The following ABR variants were observed in gnomAD, a reference collection of about 807,000 sequenced individuals.
ABR encodes ABR activator of RhoGEF and GTPase.
A neutral mutation model predicts 107.2 loss-of-function variants in ABR; 35 were observed. The observed-to-expected ratio is 0.33, with a 90% confidence interval of 0.25 to 0.43. The LOEUF (loss-of-function observed/expected upper bound fraction) is 0.43, where lower values mean the gene tolerates loss of function less well. ABR is among the 20% of genes least tolerant of loss of function. ABR has a pLI of 1.00. For missense variants in ABR, 815 were observed against 1,115.2 expected, an observed-to-expected ratio of 0.73 and a Z score of 3.83; for synonymous variants, 498 against 462.0, an observed-to-expected ratio of 1.08 and a Z score of -1.00.
intron 5 of ABR, 91 bp downstream of exon 5, chr17:1,083,429 C>T (rs907218586): frequency 1.3e-5 from 11 of 861,006 alleles, no homozygotes; most frequent in Non-Finnish European, 1.3e-5. Context: ...ACCACTTCAC[C>T]GACTGGCAAG....
In ABR at chr17:1,079,587, G is replaced by A. The variant is rs568803292; in HGVS notation, c.640-197C>T. ...GCGGATCACCTGAGGTCGGAAGTTCGAGACCAGCCTGGTCAACACGGTGAA... is the reference window on the plus strand; with the variant it reads ...GCGGATCACCTGAGGTCGGAAGTTCAAGACCAGCCTGGTCAACACGGTGAA... On this transcript the variant is annotated intron_variant, in intron 5 of 22. Coordinates refer to ENST00000302538, the MANE Select transcript of ABR (RefSeq NM_021962.5). Among the ~76,000 whole-genome samples, 16 of 152,082 alleles carry A rather than the reference G, an allele frequency of 1.1e-4. No individual in the cohort carries two copies. In the South Asian group the frequency reaches 3.3e-3, roughly 32 times the overall value.
intron 16 of ABR, among the ~76,000 whole-genome samples, chr17:1,024,390 G>A (rs554300057): frequency 6.6e-6 from 1 of 152,376 alleles, no homozygotes; most frequent in African/African-American, 2.4e-5. Context: ...GCGGGTGAGA[G>A]CCTGCGCTGA....
Position 1,009,393 on chromosome 17 carries a change from C to G in ABR, c.2342+286G>C, listed in dbSNP as rs143068718. On this transcript the variant is annotated intron_variant, in intron 21 of 22. Coordinates refer to ENST00000302538, the MANE Select transcript of ABR (RefSeq NM_021962.5). ...AGTCCTGGGCTCTCACCCTGCCATT[C>G]TGAGCATTCTATGGTCAATATTTGA... Among the ~76,000 whole-genome samples the G allele has an allele frequency of 1.0e-2, 1,521 of 152,246 alleles. 16 individuals are homozygous for G. The highest frequency in any genetic ancestry group is 0.028 in the African/African-American group (1,145 of 41,518).
At chr17:1,218,878 T>C (rs2043061658) in intron 1 of ABR, among the ~76,000 whole-genome samples, 1 of 152,164 alleles carries the variant, frequency 6.6e-6, no homozygotes, top group African/African-American at 2.4e-5. Flanking sequence ...ACATTCCAAA[T>C]GTGCAAAATC....
chr17:1,065,785 G>A (rs929449781), intron 10 of ABR, among the ~76,000 whole-genome samples: 2 of 133,038 alleles, frequency 1.5e-5, no homozygotes, highest in Non-Finnish European at 3.1e-5. Context: ...TCACTCTGTT[G>A]CTCAGGCTGG....
At chr17:1,009,548 G>A in intron 21 of ABR, 131 bp downstream of exon 21, 1 of 715,802 alleles carries the variant, frequency 1.4e-6, no homozygotes, top group Non-Finnish European at 2.5e-6. Context: ...AGGGACTGAG[G>A]AGGTGGGGTT....
chr17:1,017,310 C>T (rs992454422), intron 16 of ABR, among the ~76,000 whole-genome samples: 1 of 152,022 alleles, frequency 6.6e-6, no homozygotes, highest in Admixed American at 6.6e-5. Context: ...GGCTGTCCCT[C>T]GTAGTTCCTT....
intron 1 of ABR, chr17:1,126,244 C>G (rs1484563839): frequency 6.6e-6 from 1 of 152,544 alleles, no homozygotes; most frequent in Non-Finnish European, 1.5e-5. Context: ...CTCGGAAAGG[C>G]CCCTGCGTCC....
rs557304922 is a variant in ABR at position 1,159,613 on chromosome 17, G to A, written c.61+20054C>T. Among the ~76,000 whole-genome samples, 117 of 119,586 alleles carry A rather than the reference G, an allele frequency of 9.8e-4. 7 individuals carry two copies. The highest frequency in any genetic ancestry group is 3.7e-3 in the South Asian group (14 of 3,832). 78.5% of individuals were successfully genotyped at this position (119,586 alleles called of 152,430 possible). ...CGGTACTCACACACATGAGAAGTAA[G>A]AATGCGGTACTCACGCACAAGGGAA... On this transcript the variant is annotated intron_variant, in intron 1 of 22. Coordinates refer to ENST00000302538, the MANE Select transcript of ABR (RefSeq NM_021962.5).
rs2040978605 is a variant in ABR at position 1,154,832 on chromosome 17, T to A, written c.61+24835A>T. 1 of 152,328 alleles carries A rather than the reference T, an allele frequency of 6.6e-6. No individual in the cohort carries two copies. Among genetic ancestry groups the A allele is most frequent in the Non-Finnish European group, 1.5e-5 (1 of 68,214 alleles). The allele number at this position is 152,328 out of a possible 1,614,324, so 9.4% of individuals were successfully genotyped here. ...AATGCTTCCCTCCTGCAGGCCCCGC[T>A]CCCTTCCCCATTCCAGCAGCCACTT... On this transcript the variant is annotated intron_variant, in intron 1 of 22. Coordinates refer to ENST00000302538, the MANE Select transcript of ABR (RefSeq NM_021962.5). This position sits in a 1 kb window ranked among gnomAD's most constrained non-coding sequence, Gnocchi z 4.0.
chr17:1,125,942 C>T (rs1028829004), intron 1 of ABR, among the ~76,000 whole-genome samples: 1 of 152,076 alleles, frequency 6.6e-6, no homozygotes, highest in East Asian at 1.9e-4. Flanking sequence ...AGGGCGTGGG[C>T]GAGGAGGCTG....
rs1221672991 is a variant in ABR, at chr17:1,013,117, A to G, written c.1839T>C (p.Ile613=). The G allele has an allele frequency of 6.2e-7, 1 of 1,613,714 alleles. No homozygotes were observed. The highest frequency in any genetic ancestry group is 8.5e-7 in the Non-Finnish European group (1 of 1,179,690). ...VETKNWHTDV[I]EMNGIKVEFS... ...ATCCCCGGCTCACCCCGTTCATCTC[A>G]ATCACGTCCGTGTGCCAGTTCTTGG... The change falls in exon 17 of 23, where the codon ATT becomes ATC. Residue 613 remains isoleucine, a synonymous_variant. Coordinates refer to ENST00000302538, the MANE Select transcript of ABR (RefSeq NM_021962.5).
chr17:1,159,180 C>T (rs1280458010), intron 1 of ABR, among the ~76,000 whole-genome samples: 3 of 152,244 alleles, frequency 2.0e-5, no homozygotes, highest in East Asian at 3.8e-4. Context: ...AGTAGGAATG[C>T]AGTACTCATA....
chr17:1,225,758 G>A (rs966188145), intron 1 of ABR, among the ~76,000 whole-genome samples: 3 of 152,122 alleles, frequency 2.0e-5, no homozygotes, highest in Admixed American at 6.5e-5. Context: ...CGTCCAAAAC[G>A]CTTTAGAAAT....
At chr17:1,028,168 G>A (rs1196545834) in intron 16 of ABR, among the ~76,000 whole-genome samples, 1 of 152,060 alleles carries the variant, frequency 6.6e-6, no homozygotes, top group Non-Finnish European at 1.5e-5. Flanking sequence ...TCGGCTCACT[G>A]CAACCTCCAC....
intron 5 of ABR, among the ~76,000 whole-genome samples, chr17:1,081,669 C>A (rs1370745422): frequency 6.6e-6 from 1 of 152,170 alleles, no homozygotes; most frequent in African/African-American, 2.4e-5. Context: ...CTCCACCTCC[C>A]GGGTTCAAGA....
chr17:1,198,052 C>T (rs1252754710), intron 1 of ABR, among the ~76,000 whole-genome samples: 1 of 151,676 alleles, frequency 6.6e-6, no homozygotes, highest in Non-Finnish European at 1.5e-5. Context: ...GCTGAGCTGT[C>T]GCCTTCTGGA....
chr17:1,050,913 TCTGCCCTTCCCACCTCGGCCCTCCCC>T lies in ABR; in HGVS notation c.1562-305_1562-280del, dbSNP rs1218190155. Among the ~76,000 whole-genome samples, 39 of 149,364 alleles carry T rather than the reference TCTGCCCTTCCCACCTCGGCCCTCCCC, an allele frequency of 2.6e-4. No homozygotes were observed. The highest frequency in any genetic ancestry group is 8.9e-4 in the African/African-American group (36 of 40,354). On this transcript the variant is annotated intron_variant, in intron 14 of 22. Transcript: ENST00000302538. The surrounding 1 kb of genome is among the most constrained non-coding windows in gnomAD (Gnocchi z 4.6). The stretch of plus-strand genomic sequence containing the variant: ...CTTCCCACCTCGGCCCTCCCCACAC[TCTGCCCTTCCCACCTCGGCCCTCCCC>T]ACACTCTGGCCTCCTCCTCCCTCTA...
At chr17:1,069,256 T>C (rs2035015248) in intron 9 of ABR, among the ~76,000 whole-genome samples, 1 of 152,092 alleles carries the variant, frequency 6.6e-6, no homozygotes. Context: ...CATGCTTCAG[T>C]GGGGGACGGG....
Sources: allele counts gnomAD v4.1 joint callset (sites outside exome capture counted in the v4.1 genomes callset), GRCh38; gene constraint gnomAD v4.1.1; non-coding constraint Gnocchi (gnomAD v3.1); transcripts MANE v1.5; gene names NCBI Gene and HGNC (gene_info 2026-07-23, HGNC 2026-07-21).